Variants in CSMD1 observed in about 807,000 individuals in gnomAD.
CSMD1 encodes CUB and Sushi multiple domains 1, also known as CUB and sushi domain-containing protein 1.
A neutral mutation model predicts 417.5 loss-of-function variants in CSMD1; 213 were observed. That is an observed-to-expected ratio of 0.51 (90% CI 0.46 to 0.57). CSMD1 has a LOEUF of 0.57. CSMD1 is among the 20% of genes least tolerant of loss of function. The pLI is 0.00. For synonymous variants in CSMD1, 2,862 were observed against 1,736.8 expected, an observed-to-expected ratio of 1.65 and a Z score of -16.11; for missense variants, 6,923 against 4,529.7, an observed-to-expected ratio of 1.53 and a Z score of -15.17.
chr8:4,166,964 T>C (rs564034827), intron 3 of CSMD1, among the ~76,000 whole-genome samples: 1 of 152,334 alleles, frequency 6.6e-6, no homozygotes, highest in African/African-American at 2.4e-5. Context: ...CAGCACATGC[T>C]GAAGGCACTG....
At chr8:3,041,876 G>A (rs532528011) in intron 50 of CSMD1, among the ~76,000 whole-genome samples, 2 of 152,210 alleles carry the variant, frequency 1.3e-5, no homozygotes, top group African/African-American at 2.4e-5. Context: ...AAGCAGTACA[G>A]TACAATCACG....
chr8:3,800,077 G>C (rs1800374596), intron 5 of CSMD1, among the ~76,000 whole-genome samples: 1 of 152,114 alleles, frequency 6.6e-6, no homozygotes, highest in Admixed American at 6.6e-5. Context: ...ATTTGCAGTT[G>C]ATGCTACAGG....
Position 3,985,176 on chromosome 8 carries a change from C to G in CSMD1, c.818+12727G>C, listed in dbSNP as rs562051519. On this transcript the variant is annotated intron_variant, in intron 5 of 69. Coordinates refer to ENST00000635120, the MANE Select transcript of CSMD1 (RefSeq NM_033225.6). ...TGGATGCCAGCTGAGCCTTCCTTGT[C>G]CCTTCTCACAGTTTGTGGTAAACTA... 1.1e-4 allele frequency among the ~76,000 whole-genome samples: 16 copies of G among 152,212 alleles called. No individual in the cohort carries two copies. In the South Asian group the frequency reaches 3.3e-3, roughly 32 times the overall value.
intron 54 of CSMD1, among the ~76,000 whole-genome samples, chr8:2,992,816 T>C (rs1304608464): frequency 3.3e-5 from 5 of 152,116 alleles, no homozygotes; most frequent in Non-Finnish European, 1.5e-5. Context: ...TGGCTCACTG[T>C]AGCCTTGACC....
At chr8:3,907,043 G>A (rs527641669) in intron 5 of CSMD1, among the ~76,000 whole-genome samples, 1 of 152,224 alleles carries the variant, frequency 6.6e-6, no homozygotes, top group Non-Finnish European at 1.5e-5. Flanking sequence ...GGCTGGGAGA[G>A]CTTACTAAAG....
intron 3 of CSMD1, among the ~76,000 whole-genome samples, chr8:4,219,133 C>T (rs1054434045): frequency 1.3e-5 from 2 of 152,312 alleles, no homozygotes; most frequent in South Asian, 2.1e-4. Context: ...CTCCTTTCAT[C>T]TGTGCCCTTT....
intron 1 of CSMD1, among the ~76,000 whole-genome samples, chr8:4,840,397 A>C (rs1439476544): frequency 1.3e-5 from 2 of 152,230 alleles, no homozygotes; most frequent in Non-Finnish European, 2.9e-5. Context: ...AATGTTGAAC[A>C]TATGTCGAAA....
In CSMD1 at chr8:4,001,358, T is replaced by C. The variant is rs559796765; in HGVS notation, c.611-3248A>G. 3.9e-5 allele frequency among the ~76,000 whole-genome samples: 6 copies of C among 152,268 alleles called. No individual in the cohort carries two copies. The South Asian group carries it at 1.2e-3, about 32-fold the overall frequency. Reference sequence around the variant, plus strand: ...TCCAGGGCCCCCACCCTGCAGCCATTAGCCCCCTGGTTTCTCCACTGCTGG... The same window carrying C: ...TCCAGGGCCCCCACCCTGCAGCCATCAGCCCCCTGGTTTCTCCACTGCTGG... On this transcript the variant is annotated intron_variant, in intron 4 of 69. Transcript: ENST00000635120.
At chr8:4,366,283 G>A (rs149961862) in intron 3 of CSMD1, among the ~76,000 whole-genome samples, 19 of 151,170 alleles carry the variant, frequency 1.3e-4, no homozygotes, top group Admixed American at 4.6e-4. Flanking sequence ...TGGCTGCATA[G>A]TGTCTCACTT....
At chr8:4,174,224 C>T (rs552220242) in intron 3 of CSMD1, among the ~76,000 whole-genome samples, 17 of 152,166 alleles carry the variant, frequency 1.1e-4, no homozygotes, top group East Asian at 3.9e-4. Flanking sequence ...GTGAGGACAC[C>T]GTCTTGAAAG....
chr8:3,484,518 T>C (rs190116113), intron 11 of CSMD1, among the ~76,000 whole-genome samples: 21 of 152,304 alleles, frequency 1.4e-4, no homozygotes, highest in African/African-American at 4.1e-4. Flanking sequence ...CTCTGTAAAG[T>C]ACAGCTAGGC....
At chr8:3,714,561 C>CAAAAAAAAAGAAA (rs1801718473) in intron 6 of CSMD1, among the ~76,000 whole-genome samples, 1 of 70,554 alleles carries the variant, frequency 1.4e-5, no homozygotes, top group Non-Finnish European at 2.5e-5. Flanking sequence ...ATCTCTATCC[C>CAAAAAAAAAGAAA]AAAAAAAAAA....
chr8:3,713,265 G>C (rs1358131369), intron 6 of CSMD1, among the ~76,000 whole-genome samples: 1 of 152,150 alleles, frequency 6.6e-6, no homozygotes, highest in Non-Finnish European at 1.5e-5. Context: ...TAATCTCTAA[G>C]TGGTTAGGTT....
chr8:4,245,350 G>C (rs563038531), intron 3 of CSMD1, among the ~76,000 whole-genome samples: 1 of 152,300 alleles, frequency 6.6e-6, no homozygotes, highest in East Asian at 1.9e-4. Context: ...GTTGGGGTGG[G>C]AGGAAAGATT....
chr8:4,277,772 G>T (rs1796568023), intron 3 of CSMD1, among the ~76,000 whole-genome samples: 1 of 152,030 alleles, frequency 6.6e-6, no homozygotes, highest in Admixed American at 6.6e-5. Context: ...TTCTGAGACG[G>T]AGTCTCACTC....
At chr8:3,330,136 T>C (rs1258175347) in intron 23 of CSMD1, among the ~76,000 whole-genome samples, 1 of 152,092 alleles carries the variant, frequency 6.6e-6, no homozygotes, top group Non-Finnish European at 1.5e-5. Context: ...CAGACAGAAA[T>C]GTCATTCAAG....
chr8:4,571,942 C>A (rs1253504444), intron 2 of CSMD1, among the ~76,000 whole-genome samples: 2 of 152,148 alleles, frequency 1.3e-5, no homozygotes, highest in Non-Finnish European at 2.9e-5. Context: ...AGGATTGCAA[C>A]CCATGCTTAT....
At chr8:4,297,533 C>G (rs909325622) in intron 3 of CSMD1, among the ~76,000 whole-genome samples, 6 of 152,136 alleles carry the variant, frequency 3.9e-5, no homozygotes, top group Non-Finnish European at 5.9e-5. Flanking sequence ...TGTTAAACCC[C>G]TCACATATGA....
intron 10 of CSMD1, among the ~76,000 whole-genome samples, chr8:3,543,816 G>C (rs533013106): frequency 1.3e-5 from 2 of 152,116 alleles, no homozygotes; most frequent in South Asian, 2.1e-4. Flanking sequence ...GTCTGAATAG[G>C]AACATTTTGG....
Sources: allele counts gnomAD v4.1 joint callset (sites outside exome capture counted in the v4.1 genomes callset), GRCh38; gene constraint gnomAD v4.1.1; transcripts MANE v1.5; gene names NCBI Gene and HGNC (gene_info 2026-07-23, HGNC 2026-07-21).